The following PRCD variants were observed in gnomAD, a reference collection of about 807,000 sequenced individuals.
PRCD encodes the protein photoreceptor disc component.
Under a neutral mutation model 10.1 loss-of-function variants are expected in PRCD, and 12 were observed. The ratio of observed to expected loss-of-function variants is 1.18; its 90% confidence interval spans 0.76 to 1.92. PRCD has a LOEUF of 1.92. Ranked by LOEUF, PRCD falls within the 40% of genes most tolerant of loss-of-function variation. PRCD has a pLI of 0.00. For synonymous variants in PRCD, 31 were observed against 26.2 expected (o/e 1.18, Z -0.56); for missense variants, 61 against 72.2 (o/e 0.84, Z 0.56).
chr17:76,528,632 G>C lies in PRCD; in HGVS notation n.45+799G>C, dbSNP rs2074795254. On this transcript the variant is annotated intron_variant and non_coding_transcript_variant, in intron 1 of 4. Transcript: ENST00000397633. The surrounding 1 kb of genome is among the most constrained non-coding windows in gnomAD (Gnocchi z 5.8). The stretch of plus-strand genomic sequence containing the variant: ...GTGGGCTGTGGACGAGATAGGAAGG[G>C]AAGGACAAACGTTACCAGAGGCAGG... 7.9e-7 allele frequency: 1 copy of C among 1,272,616 alleles called. No individual in the cohort carries two copies. The highest frequency in any genetic ancestry group is 1.0e-6 in the Non-Finnish European group (1 of 1,000,806). 78.8% of individuals were successfully genotyped at this position (1,272,616 alleles called of 1,614,324 possible). A position where few individuals can be genotyped will look rare whatever the true frequency, so the allele number is the denominator to read the frequency against.
intron 4 of PRCD, 197 bp downstream of exon 4, chr17:76,543,318 G>A: frequency 2.9e-6 from 1 of 346,506 alleles, no homozygotes; most frequent in Admixed American, 3.8e-5. Context: ...TAGGATGAGG[G>A]ACTTGCTGGG....
At chr17:76,540,037 G>A, upstream of PRCD, 7 of 1,215,474 alleles carry the variant, frequency 5.8e-6, no homozygotes, top group Non-Finnish European at 5.9e-6. The surrounding 1 kb of genome is among the most constrained non-coding windows in gnomAD (Gnocchi z 5.0). Context: ...AGCAGGAACC[G>A]CAGGACAGAC....
chr17:76,548,749 G>C (rs1175408295), downstream of PRCD, among the ~76,000 whole-genome samples: 1 of 152,252 alleles, frequency 6.6e-6, no homozygotes, highest in Non-Finnish European at 1.5e-5. Context: ...TGTGTCTGGA[G>C]TGCTGTGTGC....
rs200398429 is a variant in PRCD at position 76,540,357 on chromosome 17, G to C, written c.74+142G>C. 5.5e-6 allele frequency: 7 copies of C among 1,281,132 alleles called. No individual in the cohort carries two copies. Among genetic ancestry groups the C allele is most frequent in the Non-Finnish European group, 7.8e-6 (7 of 893,276 alleles). 79.4% of individuals were successfully genotyped at this position (1,281,132 alleles called of 1,614,324 possible). ...GGCATTTTGAGGAACCCTTGAGAGA[G>C]CACAGTCTCAGAGCAGGGGGACTTA... is the stretch of plus-strand genomic sequence containing the variant. On this transcript the variant is annotated intron_variant, in intron 1 of 4. Coordinates refer to ENST00000592014, the MANE Select transcript of PRCD (RefSeq NM_001077620.3). The surrounding 1 kb of genome is among the most constrained non-coding windows in gnomAD (Gnocchi z 5.0).
At chr17:76,529,305 A>C in intron 1 of PRCD, 2 of 985,456 alleles carry the variant, frequency 2.0e-6, no homozygotes, top group Non-Finnish European at 2.4e-6. Flanking sequence ...ACCACTTGAC[A>C]GCTGGGAGTA....
At position 76,543,128 on chromosome 17, in the gene PRCD, G is replaced by T. The variant is rs746835277; in HGVS notation, c.*152+7G>T. 1.3e-5 allele frequency: 6 copies of T among 470,574 alleles called. No individual in the cohort carries two copies. The highest frequency in any genetic ancestry group is 6.2e-5 in the South Asian group (4 of 64,552). 29.1% of individuals were successfully genotyped at this position (470,574 alleles called of 1,614,324 possible). A position where few individuals can be genotyped will look rare whatever the true frequency, so the allele number is the denominator to read the frequency against. On this transcript the variant is annotated splice_region_variant and intron_variant, in intron 4 of 4. Transcript: ENST00000592014. Reference sequence around the variant, plus strand: ...GGAAGCAGCACTAGAGAAGGTAGACGCCTCCCTCTCAGCCCGGGACCTGCC... The same window carrying T: ...GGAAGCAGCACTAGAGAAGGTAGACTCCTCCCTCTCAGCCCGGGACCTGCC...
At chr17:76,548,023 CACAG>C (rs544230043), downstream of PRCD, among the ~76,000 whole-genome samples, 6 of 151,964 alleles carry the variant, frequency 3.9e-5, no homozygotes, top group East Asian at 9.6e-4. Context: ...CACATGCATA[CACAG>C]ACATACACAT....
At position 76,543,904 on chromosome 17, in the gene PRCD, G is replaced by A. The variant is rs1598214852; in HGVS notation, c.*254G>A. Reference sequence around the variant, plus strand: ...CTGCCTGCAGCTGGATGGGAGCAACGGACAGCTTGTCCTCCGAATGTGTTT... The same window carrying A: ...CTGCCTGCAGCTGGATGGGAGCAACAGACAGCTTGTCCTCCGAATGTGTTT... On this transcript the variant is annotated 3_prime_UTR_variant, in exon 5 of 5. Coordinates refer to ENST00000592014, the MANE Select transcript of PRCD (RefSeq NM_001077620.3). 2 of 470,948 alleles carry A rather than the reference G, an allele frequency of 4.2e-6. No individual in the cohort carries two copies. Among genetic ancestry groups the A allele is most frequent in the East Asian group, 1.4e-4 (2 of 14,400 alleles). 29.2% of individuals were successfully genotyped at this position (470,948 alleles called of 1,614,324 possible).
intron 2 of PRCD, 59 bp from the exon 3 acceptor site, chr17:76,542,494 T>C (rs2075003316): frequency 6.2e-7 from 1 of 1,603,628 alleles, no homozygotes; most frequent in African/African-American, 1.3e-5. Context: ...AAGAGGAGAG[T>C]CAGAAACATG....
chr17:76,531,734 C>T lies in PRCD; in HGVS notation n.45+3901C>T. On this transcript the variant is annotated intron_variant and non_coding_transcript_variant, in intron 1 of 4. Transcript: ENST00000397633. This position sits in a 1 kb window ranked among gnomAD's most constrained non-coding sequence, Gnocchi z 7.4. ...GGTGGTCGCTGAAGCTGGAGGCTGC[C>T]TCGGGCCCACCCTGAAGCTTCCAGG... 3 of 1,525,674 alleles carry T rather than the reference C, an allele frequency of 2.0e-6. No homozygotes were observed. The highest frequency in any genetic ancestry group is 2.7e-5 in the African/African-American group (2 of 73,286). 94.5% of individuals were successfully genotyped at this position (1,525,674 alleles called of 1,614,324 possible). A position where few individuals can be genotyped will look rare whatever the true frequency, so the allele number is the denominator to read the frequency against.
chr17:76,528,987 G>T lies in PRCD; in HGVS notation n.45+1154G>T. The T allele has an allele frequency of 9.9e-7, 1 of 1,014,838 alleles. No homozygotes were observed. The highest frequency in any genetic ancestry group is 1.2e-6 in the Non-Finnish European group (1 of 849,808). 62.9% of individuals were successfully genotyped at this position (1,014,838 alleles called of 1,614,324 possible). Reference sequence around the variant, plus strand: ...TCCGGCCTGTCTCGTCCCTCCTCGGGCCACCCATCTGTATTCTCGTATTCT... The same window carrying T: ...TCCGGCCTGTCTCGTCCCTCCTCGGTCCACCCATCTGTATTCTCGTATTCT... On this transcript the variant is annotated intron_variant and non_coding_transcript_variant, in intron 1 of 4. Coordinates refer to the PRCD transcript ENST00000397633. This position sits in a 1 kb window ranked among gnomAD's most constrained non-coding sequence, Gnocchi z 5.8.
upstream of PRCD, among the ~76,000 whole-genome samples, chr17:76,535,752 G>A (rs1019565546): frequency 1.3e-5 from 2 of 152,204 alleles, no homozygotes; most frequent in Non-Finnish European, 2.9e-5. Flanking sequence ...TCGGTGTTTC[G>A]TTTCTCCCTT....
chr17:76,531,162 G>A lies in PRCD; in HGVS notation n.45+3329G>A. 1.2e-6 allele frequency: 2 copies of A among 1,607,336 alleles called. No homozygotes were observed. The highest frequency in any genetic ancestry group is 1.7e-6 in the Non-Finnish European group (2 of 1,175,520). On this transcript the variant is annotated intron_variant and non_coding_transcript_variant, in intron 1 of 4. Transcript: ENST00000397633. The surrounding 1 kb of genome is among the most constrained non-coding windows in gnomAD (Gnocchi z 7.4). ...GAGGATCTGGGGGCAAAGGGAGGAA[G>A]GGGGAGTGAACGCCCGGGCGCCCTG...
intron 4 of PRCD, 27 bp from the exon 5 acceptor site, chr17:76,543,776 G>A (rs868115502): frequency 1.9e-5 from 9 of 470,448 alleles, no homozygotes; most frequent in East Asian, 6.9e-5. Flanking sequence ...AGTGGCACTC[G>A]CTTTTGTGTC....
rs559175222 is a variant in PRCD at position 76,544,297 on chromosome 17, C to T, written c.*647C>T. The T allele has an allele frequency of 2.2e-6, 1 of 454,470 alleles. No individual in the cohort carries two copies. The highest frequency in any genetic ancestry group is 1.6e-5 in the South Asian group (1 of 64,478). 28.2% of individuals were successfully genotyped at this position (454,470 alleles called of 1,614,324 possible). On this transcript the variant is annotated 3_prime_UTR_variant, in exon 5 of 5. Coordinates refer to ENST00000592014, the MANE Select transcript of PRCD (RefSeq NM_001077620.3). ...CTGGCCCGTGCCCTTGACTTCCAGGCAGTAGAAGATGGAGTTCTCTAGACA... is the reference window on the plus strand; with the variant it reads ...CTGGCCCGTGCCCTTGACTTCCAGGTAGTAGAAGATGGAGTTCTCTAGACA...
Position 76,540,103 on chromosome 17 carries a change from C to T in PRCD, c.-39C>T. The T allele has an allele frequency of 6.3e-7, 1 of 1,578,428 alleles. No homozygotes were observed. The highest frequency in any genetic ancestry group is 8.6e-7 in the Non-Finnish European group (1 of 1,161,692). On this transcript the variant is annotated 5_prime_UTR_variant, in exon 1 of 5. Coordinates refer to ENST00000592014, the MANE Select transcript of PRCD (RefSeq NM_001077620.3). This position sits in a 1 kb window ranked among gnomAD's most constrained non-coding sequence, Gnocchi z 5.0. The stretch of plus-strand genomic sequence containing the variant: ...ATTTTGGCCCCTCGCCTGTGGCCTT[C>T]TGCAGACTTGGCCTGGGAGGGGATG...
upstream of PRCD, among the ~76,000 whole-genome samples, chr17:76,538,837 G>T (rs1354672960): frequency 6.6e-6 from 1 of 152,262 alleles, no homozygotes; most frequent in Non-Finnish European, 1.5e-5. Context: ...TGTCACTCAG[G>T]CTCCCGGCGA....
chr17:76,536,802 C>A (rs2074918497), upstream of PRCD, among the ~76,000 whole-genome samples: 1 of 152,198 alleles, frequency 6.6e-6, no homozygotes, highest in Non-Finnish European at 1.5e-5. Flanking sequence ...GGACTGTTTG[C>A]TTCTCCACTC....
At position 76,528,198 on chromosome 17, in the gene PRCD, A is replaced by T. The variant is rs1428154789; in HGVS notation, n.45+365A>T. 5.0e-6 allele frequency: 2 copies of T among 397,778 alleles called. No homozygotes were observed. The highest frequency in any genetic ancestry group is 8.8e-6 in the Non-Finnish European group (2 of 226,332). 24.6% of individuals were successfully genotyped at this position (397,778 alleles called of 1,614,324 possible). On this transcript the variant is annotated intron_variant and non_coding_transcript_variant, in intron 1 of 4. Coordinates refer to the PRCD transcript ENST00000397633. The surrounding 1 kb of genome is among the most constrained non-coding windows in gnomAD (Gnocchi z 5.8). The stretch of plus-strand genomic sequence containing the variant: ...TGTATATATGGTAGATGTGTGCGTG[A>T]TACTCTAGATGGTGATGTGGAGACC...
Sources: gnomAD v4.1 joint callset for allele counts (sites outside exome capture counted in the v4.1 genomes callset) on GRCh38, gnomAD v4.1.1 for gene constraint, Gnocchi (gnomAD v3.1) non-coding constraint, MANE v1.5 for transcripts, NCBI Gene and HGNC (gene_info 2026-07-23, HGNC 2026-07-21) for gene names.